Variants in ITIH2 observed in about 807,000 individuals in gnomAD.
ITIH2 encodes the protein inter-alpha-trypsin inhibitor heavy chain H2.
A neutral mutation model predicts 104.4 loss-of-function variants in ITIH2; 103 were observed. The ratio of observed to expected loss-of-function variants is 0.99; its 90% CI spans 0.84 to 1.16. The LOEUF is 1.16. Among genes scored for constraint, ITIH2 ranks in the 50% most tolerant of loss-of-function variants. The pLI is 0.00. For synonymous variants in ITIH2, 436 were observed against 435.4 expected (o/e 1.00, Z -0.02); for missense variants, 1,108 against 1,162.4 (o/e 0.95, Z 0.68).
chr10:7,717,966 C>T (rs540220293), intron 6 of ITIH2, among the ~76,000 whole-genome samples, 178 bp downstream of exon 6: 13 of 152,228 alleles, frequency 8.5e-5, no homozygotes, highest in Admixed American at 6.5e-4. Context: ...TTCCTTATGG[C>T]TCTCGGTCTC....
At chr10:7,722,929 G>A (rs1221318859) in intron 8 of ITIH2, among the ~76,000 whole-genome samples, 4 of 152,196 alleles carry the variant, frequency 2.6e-5, no homozygotes, top group Non-Finnish European at 5.9e-5. Context: ...CCTGGAACAG[G>A]GGCTCTCTGT....
chr10:7,739,513 C>T (rs113483800), intron 16 of ITIH2, among the ~76,000 whole-genome samples: 3 of 152,216 alleles, frequency 2.0e-5, no homozygotes, highest in African/African-American at 7.2e-5. Context: ...AGCCTCAAAG[C>T]TGGTTCTCCA....
intron 9 of ITIH2, among the ~76,000 whole-genome samples, chr10:7,725,300 T>C (rs1834942171): frequency 6.6e-6 from 1 of 152,160 alleles, no homozygotes; most frequent in South Asian, 2.1e-4. Context: ...GAGGAGACCC[T>C]GAGAAGGTGA....
At chr10:7,722,811 G>A (rs1588454785) in intron 8 of ITIH2, among the ~76,000 whole-genome samples, 1 of 152,224 alleles carries the variant, frequency 6.6e-6, no homozygotes, top group Non-Finnish European at 1.5e-5. Flanking sequence ...TAATCATGGT[G>A]TTGAACACAC....
At chr10:7,725,090 A>C (rs1449720396) in intron 9 of ITIH2, among the ~76,000 whole-genome samples, 1 of 152,220 alleles carries the variant, frequency 6.6e-6, no homozygotes, top group Non-Finnish European at 1.5e-5. Flanking sequence ...TGAAACTTAC[A>C]TCTGAGGGAT....
intron 6 of ITIH2, among the ~76,000 whole-genome samples, chr10:7,719,306 C>T (rs1263404843): frequency 2.0e-5 from 3 of 152,176 alleles, no homozygotes; most frequent in Admixed American, 6.5e-5. Flanking sequence ...AAAAGATGCC[C>T]GTCCTTCAGG....
At chr10:7,715,482 A>G (rs921555117) in intron 5 of ITIH2, among the ~76,000 whole-genome samples, 1 of 151,932 alleles carries the variant, frequency 6.6e-6, no homozygotes, top group East Asian at 1.9e-4. Context: ...CCATTCATTT[A>G]TTTGTTTATC....
chr10:7,745,946 G>A (rs1302774289), intron 19 of ITIH2, among the ~76,000 whole-genome samples: 3 of 150,306 alleles, frequency 2.0e-5, no homozygotes, highest in Non-Finnish European at 3.0e-5. Context: ...TAGAGATGGG[G>A]TTTCTCCATG....
intron 15 of ITIH2, among the ~76,000 whole-genome samples, chr10:7,735,736 G>C (rs553105652): frequency 2.1e-5 from 3 of 144,954 alleles, no homozygotes; most frequent in African/African-American, 7.8e-5. Flanking sequence ...ACAATGGCAC[G>C]ATCTCAGCTC....
At chr10:7,708,887 C>A in intron 3 of ITIH2, 135 bp from the exon 4 acceptor site, 1 of 752,670 alleles carries the variant, frequency 1.3e-6, no homozygotes, top group Non-Finnish European at 2.3e-6. Flanking sequence ...TGAATTCTGT[C>A]CTTACCAAGG....
chr10:7,732,556 A>T (rs575302303), intron 14 of ITIH2, 79 bp downstream of exon 14: 2 of 1,499,930 alleles, frequency 1.3e-6, no homozygotes, highest in African/African-American at 2.8e-5. Flanking sequence ...TCATACACAA[A>T]AAGAGTTTGG....
intron 4 of ITIH2, among the ~76,000 whole-genome samples, chr10:7,712,775 C>T (rs562787314): frequency 6.6e-6 from 1 of 152,296 alleles, no homozygotes; most frequent in Admixed American, 6.5e-5. Context: ...TGCCCTCATT[C>T]ATTAAATTAG....
Position 7,720,954 on chromosome 10 carries a change from A to G in ITIH2, c.729A>G (p.Gly243=), listed in dbSNP as rs1281606509. 1 of 1,605,900 alleles carries G rather than the reference A, an allele frequency of 6.2e-7. No individual in the cohort carries two copies. Among genetic ancestry groups the G allele is most frequent in the Admixed American group, 1.7e-5 (1 of 60,008 alleles). Residue 243 remains glycine, a synonymous_variant, in exon 7 of 21, where the codon GGA becomes GGG. Coordinates refer to ENST00000358415, the MANE Select transcript of ITIH2 (RefSeq NM_002216.3). ...ATGGTGTTCCGGTCATTTCTAAAGG[A>G]CAACAGAAGGTACCCTGAGCCCTGT... The part of the protein sequence containing the change: ...HFDGVPVISK[G]QQKAHVSFKP...
chr10:7,711,018 C>A (rs1236652397), intron 4 of ITIH2, among the ~76,000 whole-genome samples: 1 of 136,910 alleles, frequency 7.3e-6, no homozygotes, highest in Non-Finnish European at 1.7e-5. Flanking sequence ...GTTTGCTGCA[C>A]CTATCATCCC....
chr10:7,706,360 T>C (rs1295977933), intron 2 of ITIH2, among the ~76,000 whole-genome samples: 1 of 152,156 alleles, frequency 6.6e-6, no homozygotes, highest in East Asian at 1.9e-4. Context: ...CACCAAACAT[T>C]ACATGTTCAC....
chr10:7,731,867 C>T lies in ITIH2; in HGVS notation c.1518C>T (p.Pro506=). 6.2e-7 allele frequency: 1 copy of T among 1,613,846 alleles called. No homozygotes were observed. Among genetic ancestry groups the T allele is most frequent in the Non-Finnish European group, 8.5e-7 (1 of 1,179,778 alleles). Residue 506 remains proline (P), a synonymous_variant, in exon 13 of 21, where the codon CCC becomes CCT. Transcript: ENST00000358415. ...PLLRNVQFNY[P]HTSVTDVTQN... is the part of the protein sequence containing the mutation. ...TCCGGAATGTTCAGTTCAACTATCCCCATACATCAGTCACGGACGTCACTC... is the reference window on the plus strand; with the variant it reads ...TCCGGAATGTTCAGTTCAACTATCCTCATACATCAGTCACGGACGTCACTC...
chr10:7,714,395 A>T (rs1366790582), intron 5 of ITIH2, among the ~76,000 whole-genome samples: 1 of 151,682 alleles, frequency 6.6e-6, no homozygotes, highest in East Asian at 1.9e-4. Flanking sequence ...GATGGTCTCG[A>T]TCTCCTGACC....
chr10:7,732,789 G>A (rs376370198), intron 14 of ITIH2, among the ~76,000 whole-genome samples: 242 of 151,858 alleles, frequency 1.6e-3, no homozygotes, highest in Non-Finnish European at 2.7e-3. Context: ...GTGCAGTGAC[G>A]CCATCTCAGC....
chr10:7,735,667 TTCTTTTC>T (rs1166660465), intron 15 of ITIH2, among the ~76,000 whole-genome samples: 3 of 147,010 alleles, frequency 2.0e-5, no homozygotes, highest in African/African-American at 7.7e-5. Flanking sequence ...TTCTTTTCTT[TTCTTTTC>T]TTTTTTTTTT....
Sources: gnomAD v4.1 joint callset for allele counts (sites outside exome capture counted in the v4.1 genomes callset) on GRCh38, gnomAD v4.1.1 for gene constraint, MANE v1.5 for transcripts, NCBI Gene and HGNC (gene_info 2026-07-23, HGNC 2026-07-21) for gene names.